The following PIK3CD variants were observed in gnomAD, a reference collection of about 807,000 sequenced individuals.
The protein encoded by PIK3CD is phosphatidylinositol-4,5-bisphosphate 3-kinase catalytic subunit delta.
A neutral mutation model predicts 122.9 loss-of-function variants in PIK3CD; 20 were observed. That is an observed-to-expected ratio of 0.16 (90% confidence interval 0.11 to 0.24). The LOEUF (loss-of-function observed/expected upper bound fraction) is 0.24, where lower values mean the gene tolerates loss of function less well. PIK3CD is among the 10% of genes least tolerant of loss of function. The pLI, the probability that PIK3CD is intolerant of heterozygous loss-of-function variation, is 1.00. For missense variants in PIK3CD, 787 were observed against 1,406.3 expected (o/e 0.56, Z 7.04); for synonymous variants, 596 against 593.4 (o/e 1.00, Z -0.06).
In PIK3CD at chr1:9,722,666, C is replaced by T. The variant is rs1054052640; in HGVS notation, c.2426+60C>T. On this transcript the variant is annotated intron_variant, in intron 19 of 23. Coordinates refer to ENST00000377346, the MANE Select transcript of PIK3CD (RefSeq NM_005026.5). This position sits in a 1 kb window ranked among gnomAD's most constrained non-coding sequence, Gnocchi z 7.6. ...CTGTGCCCAGCCTGGGAGTCTGTGCCCCTGGAGGGGTCCTTGTTGAAGGTG... is the reference window on the plus strand; with the variant it reads ...CTGTGCCCAGCCTGGGAGTCTGTGCTCCTGGAGGGGTCCTTGTTGAAGGTG... The T allele has an allele frequency of 1.4e-6, 2 of 1,390,230 alleles. No individual in the cohort carries two copies. Among genetic ancestry groups the T allele is most frequent in the South Asian group, 1.2e-5 (1 of 86,126 alleles). 86.1% of individuals were successfully genotyped at this position (1,390,230 alleles called of 1,614,324 possible).
intron 1 of PIK3CD, among the ~76,000 whole-genome samples, chr1:9,681,437 C>T (rs143387514): frequency 1.3e-5 from 2 of 152,076 alleles, no homozygotes; most frequent in East Asian, 1.9e-4. Context: ...TTGTTTGAGA[C>T]GGAGTCTCAC....
rs547327557 is a variant in PIK3CD, at chr1:9,715,008, T to TA, written c.142-524dup. On this transcript the variant is annotated intron_variant, in intron 3 of 23. Transcript: ENST00000377346. The surrounding 1 kb of genome is among the most constrained non-coding windows in gnomAD (Gnocchi z 4.1). ...CAATGTAGCGAAACCCCATCTCTAC[T>TA]AAAAAAAAATACAAAAAATTTAGCC... Among the ~76,000 whole-genome samples, 1,175 of 150,438 alleles carry TA rather than the reference T, an allele frequency of 7.8e-3. 14 individuals are homozygous for TA. The highest frequency in any genetic ancestry group is 0.027 in the African/African-American group (1,095 of 40,946).
chr1:9,725,357 C>T (rs1247288789), intron 23 of PIK3CD, among the ~76,000 whole-genome samples: 2 of 151,482 alleles, frequency 1.3e-5, no homozygotes, highest in African/African-American at 2.4e-5. Flanking sequence ...AGTTCAACAC[C>T]AGCCTGACCA....
rs377018685 is a variant in PIK3CD, at chr1:9,722,382, C to T, written c.2347+26C>T. ...GTGAGGGCCTGGCCTCCCCACACCCCGCCTGTACTGCCCTGGGGGGTCCTG... is the reference window on the plus strand; with the variant it reads ...GTGAGGGCCTGGCCTCCCCACACCCTGCCTGTACTGCCCTGGGGGGTCCTG... On this transcript the variant is annotated intron_variant, in intron 18 of 23. Coordinates refer to ENST00000377346, the MANE Select transcript of PIK3CD (RefSeq NM_005026.5). The surrounding 1 kb of genome is among the most constrained non-coding windows in gnomAD (Gnocchi z 7.6). The T allele has an allele frequency of 1.0e-4, 159 of 1,587,926 alleles. No homozygotes were observed. The highest frequency in any genetic ancestry group is 5.3e-4 in the Admixed American group (31 of 58,634).
rs2100833916 is a variant in PIK3CD at position 9,715,037 on chromosome 1, C to G, written c.142-504C>G. ...AAAAAATACAAAAAATTTAGCCAGG[C>G]ATGGTGGTGCATGCCTATAATCCCA... On this transcript the variant is annotated intron_variant, in intron 3 of 23. Coordinates refer to ENST00000377346, the MANE Select transcript of PIK3CD (RefSeq NM_005026.5). This position sits in a 1 kb window ranked among gnomAD's most constrained non-coding sequence, Gnocchi z 4.1. Among the ~76,000 whole-genome samples, 1 of 152,222 alleles carries G rather than the reference C, an allele frequency of 6.6e-6. No individual in the cohort carries two copies. Among genetic ancestry groups the G allele is most frequent in the South Asian group, 2.1e-4 (1 of 4,824 alleles).
At chr1:9,661,033 C>T (rs147054053) in intron 1 of PIK3CD, 2,268 of 152,022 alleles carry the variant, frequency 0.015, 78 homozygotes, top group Admixed American at 0.074. Flanking sequence ...CTCCCGGGTT[C>T]AAGCGATTCT....
At position 9,717,064 on chromosome 1, in the gene PIK3CD, G is replaced by A. The variant is rs28730668; in HGVS notation, c.886G>A (p.Val296Ile). 8,679 of 1,613,934 alleles carry A rather than the reference G, an allele frequency of 5.4e-3. 331 individuals are homozygous for A. The African/African-American group carries it at 0.094, about 17-fold the overall frequency. ...TGAGCAGAGCAACCCTGCCCCCCAG[G>A]TCCAGAAACCGCGTGCCAAACCACC... ...RDEQSNPAPQ[V>I]QKPRAKPPPI... The change falls in exon 7 of 24, where the codon GTC (valine) becomes ATC (isoleucine). Residue 296 changes from valine (V) to isoleucine (I), a missense_variant. By Grantham distance (29) the Val-to-Ile change is conservative (BLOSUM62 3). This residue lies in a region of PIK3CD where 592 missense variants were observed against 920.6 expected (regional missense o/e 0.64). Transcript: ENST00000377346. The surrounding 1 kb of genome is among the most constrained non-coding windows in gnomAD (Gnocchi z 5.4).
At chr1:9,686,242 C>G (rs1161474001) in intron 1 of PIK3CD, among the ~76,000 whole-genome samples, 2 of 152,154 alleles carry the variant, frequency 1.3e-5, no homozygotes, top group African/African-American at 2.4e-5. Context: ...AGTAGAGGAG[C>G]AGGAATCTAA....
upstream of PIK3CD, among the ~76,000 whole-genome samples, chr1:9,648,439 A>C (rs1168189314): frequency 6.6e-6 from 1 of 152,184 alleles, no homozygotes; most frequent in Non-Finnish European, 1.5e-5. Flanking sequence ...AACTCTAAAG[A>C]CCAGAGGGCA....
At position 9,667,917 on chromosome 1, in the gene PIK3CD, T is replaced by G. The variant is rs561126640; in HGVS notation, c.-138+16115T>G. Among the ~76,000 whole-genome samples, 11 of 145,894 alleles carry G rather than the reference T, an allele frequency of 7.5e-5. No individual in the cohort carries two copies. The East Asian group carries it at 9.8e-4, about 13-fold the overall frequency. ...TGCCTGGCTAATTTTTGTTTTTTTTTTTTTTTTTTTTTTTTAGTAAAGACA... is the reference window on the plus strand; with the variant it reads ...TGCCTGGCTAATTTTTGTTTTTTTTGTTTTTTTTTTTTTTTAGTAAAGACA... On this transcript the variant is annotated intron_variant, in intron 1 of 23. Coordinates refer to ENST00000377346, the MANE Select transcript of PIK3CD (RefSeq NM_005026.5).
At chr1:9,681,463 G>A (rs1645748331) in intron 1 of PIK3CD, among the ~76,000 whole-genome samples, 1 of 152,186 alleles carries the variant, frequency 6.6e-6, no homozygotes, top group Non-Finnish European at 1.5e-5. Context: ...CACCCAGGCT[G>A]GAGTGCAGTG....
chr1:9,655,916 C>T (rs1436394394), intron 1 of PIK3CD, among the ~76,000 whole-genome samples: 6 of 152,052 alleles, frequency 3.9e-5, no homozygotes, highest in South Asian at 4.1e-4. Flanking sequence ...AGGCTGGTCT[C>T]GAACTCCTGA....
intron 2 of PIK3CD, chr1:9,691,955 AT>A (rs910851381): frequency 8.5e-4 from 138 of 161,522 alleles, no homozygotes; most frequent in African/African-American, 3.2e-3. Context: ...AATGGATTGA[AT>A]TTTTATAATT....
At chr1:9,725,082 G>C (rs1649302016) in intron 23 of PIK3CD, 146 bp downstream of exon 23, 3 of 1,073,206 alleles carry the variant, frequency 2.8e-6, no homozygotes, top group Admixed American at 2.0e-5. Flanking sequence ...CCCAGCAGTG[G>C]AGCTGGTGGG....
intron 1 of PIK3CD, among the ~76,000 whole-genome samples, chr1:9,669,904 T>C (rs773505645): frequency 6.6e-6 from 1 of 152,146 alleles, no homozygotes; most frequent in Non-Finnish European, 1.5e-5. Context: ...CCAGGCGCGG[T>C]GGCTCACGCC....
At chr1:9,664,049 C>CTTTTTTTTTTTTTTT (rs754341558) in intron 1 of PIK3CD, among the ~76,000 whole-genome samples, 1 of 101,778 alleles carries the variant, frequency 9.8e-6, no homozygotes, top group Non-Finnish European at 1.8e-5. Flanking sequence ...TTCTTTCTTT[C>CTTTTTTTTTTTTTTT]TTTTTTTTTT....
chr1:9,653,716 C>T, intron 1 of PIK3CD: 1 of 1,026,634 alleles, frequency 9.7e-7, no homozygotes, highest in Non-Finnish European at 1.4e-6. Flanking sequence ...ATAGAGCTTT[C>T]TCTTTGGCTC....
intron 1 of PIK3CD, chr1:9,660,938 CTT>C (rs1162048316): frequency 2.2e-4 from 32 of 142,892 alleles, no homozygotes; most frequent in Middle Eastern, 3.6e-3. Context: ...TTTTTTCTTT[CTT>C]TTTTTTTTTT....
At chr1:9,661,972 G>A (rs553164885) in intron 1 of PIK3CD, among the ~76,000 whole-genome samples, 3 of 152,126 alleles carry the variant, frequency 2.0e-5, no homozygotes, top group South Asian at 2.1e-4. Flanking sequence ...CTCCAGCCTG[G>A]GTGACAGAGT....
Sources: gnomAD v4.1 joint callset for allele counts (sites outside exome capture counted in the v4.1 genomes callset) on GRCh38, gnomAD v4.1.1 for gene constraint, gnomAD v4.1.1 regional missense constraint, Gnocchi (gnomAD v3.1) non-coding constraint, MANE v1.5 for transcripts, NCBI Gene and HGNC (gene_info 2026-07-23, HGNC 2026-07-21) for gene names.